Variants in DLG2 observed in about 807,000 individuals in gnomAD.
The protein encoded by DLG2 is discs large MAGUK scaffold protein 2, also known as disks large homolog 2.
A neutral mutation model predicts 132.5 loss-of-function variants in DLG2; 45 were observed. The ratio of observed to expected loss-of-function variants is 0.34; its 90% CI spans 0.27 to 0.44. The LOEUF is 0.44. Among genes scored for constraint, DLG2 ranks in the 20% least tolerant of loss-of-function variants. DLG2 has a pLI of 1.00. For synonymous variants in DLG2, 424 were observed against 419.6 expected, an observed-to-expected ratio of 1.01 and a Z score of -0.13; for missense variants, 1,045 against 1,196.9, an observed-to-expected ratio of 0.87 and a Z score of 1.87.
intron 21 of DLG2, among the ~76,000 whole-genome samples, chr11:83,500,173 T>C (rs2094394512): frequency 6.6e-6 from 1 of 151,822 alleles, no homozygotes; most frequent in African/African-American, 2.4e-5. Flanking sequence ...AATTGTGAGG[T>C]TCTTTAGTAT....
chr11:84,525,373 C>T (rs1389960937), intron 7 of DLG2, among the ~76,000 whole-genome samples: 1 of 152,176 alleles, frequency 6.6e-6, no homozygotes, highest in Non-Finnish European at 1.5e-5. Context: ...GGTTTCATTT[C>T]ATGATACATC....
chr11:85,125,249 A>G (rs1829815792), intron 5 of DLG2, among the ~76,000 whole-genome samples: 1 of 152,200 alleles, frequency 6.6e-6, no homozygotes, highest in Non-Finnish European at 1.5e-5. Context: ...ATAAAGGACA[A>G]TACTCTCAGT....
intron 14 of DLG2, among the ~76,000 whole-genome samples, chr11:83,955,635 A>G (rs751471337): frequency 7.2e-5 from 11 of 152,058 alleles, no homozygotes; most frequent in Non-Finnish European, 1.6e-4. Context: ...CCCTCATCCT[A>G]TGTATATAAA....
chr11:83,891,559 G>A, intron 15 of DLG2, among the ~76,000 whole-genome samples: 1 of 152,158 alleles, frequency 6.6e-6, no homozygotes, highest in East Asian at 1.9e-4. Flanking sequence ...GCTGGAAAAG[G>A]GTTAGAGACA....
chr11:84,062,747 T>C (rs986537522), intron 10 of DLG2, among the ~76,000 whole-genome samples: 14 of 151,534 alleles, frequency 9.2e-5, no homozygotes, highest in Admixed American at 3.9e-4. Context: ...TTTTTTTTTT[T>C]AATGGTGGTG....
intron 18 of DLG2, among the ~76,000 whole-genome samples, chr11:83,780,281 G>A (rs1347848502): frequency 6.6e-6 from 1 of 152,174 alleles, no homozygotes; most frequent in Non-Finnish European, 1.5e-5. Context: ...TTCATGTCAA[G>A]CTTTCATTAT....
At chr11:85,479,493 T>C (rs2093233624) in intron 3 of DLG2, among the ~76,000 whole-genome samples, 1 of 152,180 alleles carries the variant, frequency 6.6e-6, no homozygotes, top group African/African-American at 2.4e-5. Flanking sequence ...AAACATTAAG[T>C]CTATAACAGT....
chr11:83,740,479 A>T (rs945320502), intron 18 of DLG2, among the ~76,000 whole-genome samples: 2 of 152,288 alleles, frequency 1.3e-5, no homozygotes, highest in Admixed American at 1.3e-4. Context: ...ATTAGGAGTT[A>T]GGATAGCAGT....
intron 19 of DLG2, among the ~76,000 whole-genome samples, chr11:83,562,966 CTTTTTTTTTTTTTT>C (rs527949325): frequency 2.5e-5 from 2 of 81,368 alleles, no homozygotes; most frequent in Non-Finnish European, 4.5e-5. Flanking sequence ...TTCCCTAATT[CTTTTTTTTTTTTTT>C]TTTTTTTTTT....
At chr11:84,680,654 A>T (rs1419902374) in intron 6 of DLG2, among the ~76,000 whole-genome samples, 1 of 152,192 alleles carries the variant, frequency 6.6e-6, no homozygotes, top group Non-Finnish European at 1.5e-5. Context: ...ACATATTTAG[A>T]TTCAAATTTT....
chr11:83,696,522 A>C (rs187200539), intron 18 of DLG2, among the ~76,000 whole-genome samples: 2 of 152,322 alleles, frequency 1.3e-5, no homozygotes, highest in African/African-American at 2.4e-5. Context: ...GATATGAAAA[A>C]GCAAAATGGT....
At chr11:85,247,366 T>C (rs941908075) in intron 4 of DLG2, among the ~76,000 whole-genome samples, 2 of 151,998 alleles carry the variant, frequency 1.3e-5, no homozygotes, top group African/African-American at 4.8e-5. Context: ...CAAAGCGGGA[T>C]TCATTCATAG....
At chr11:84,253,774 G>A (rs1270346677) in intron 7 of DLG2, among the ~76,000 whole-genome samples, 3 of 152,040 alleles carry the variant, frequency 2.0e-5, no homozygotes. Flanking sequence ...AGGAAAATGA[G>A]GCTCAGTGAA....
intron 3 of DLG2, among the ~76,000 whole-genome samples, chr11:85,505,453 G>C (rs2093907888): frequency 6.6e-6 from 1 of 151,922 alleles, no homozygotes; most frequent in Admixed American, 6.6e-5. Context: ...TTTGTCAAAG[G>C]CTTTTCTGCA....
At chr11:84,598,469 C>T (rs2099568581) in intron 6 of DLG2, among the ~76,000 whole-genome samples, 1 of 152,122 alleles carries the variant, frequency 6.6e-6, no homozygotes, top group Admixed American at 6.5e-5. Context: ...TGCTTATTTC[C>T]CTAATCCAAC....
At chr11:84,492,995 A>G (rs577367765) in intron 7 of DLG2, among the ~76,000 whole-genome samples, 2 of 152,280 alleles carry the variant, frequency 1.3e-5, no homozygotes, top group African/African-American at 4.8e-5. Flanking sequence ...CTATGATCTT[A>G]AAATGAAATG....
intron 6 of DLG2, among the ~76,000 whole-genome samples, chr11:84,703,296 C>G (rs2059398071): frequency 6.6e-6 from 1 of 151,516 alleles, no homozygotes; most frequent in Non-Finnish European, 1.5e-5. Context: ...TCCATTGTGT[C>G]TACTGTAGTA....
intron 2 of DLG2, among the ~76,000 whole-genome samples, chr11:85,612,104 T>G (rs1188296263): frequency 6.6e-6 from 1 of 152,192 alleles, no homozygotes; most frequent in Non-Finnish European, 1.5e-5. Flanking sequence ...TGTACCCTAT[T>G]CCTTTAAAAG....
chr11:84,851,741 C>T (rs1484623034), intron 6 of DLG2, among the ~76,000 whole-genome samples: 2 of 151,806 alleles, frequency 1.3e-5, no homozygotes, highest in African/African-American at 4.8e-5. Flanking sequence ...TTTTTAAATA[C>T]AGAGATAATA....
Sources: gnomAD v4.1 joint callset for allele counts (sites outside exome capture counted in the v4.1 genomes callset) on GRCh38, gnomAD v4.1.1 for gene constraint, MANE v1.5 for transcripts, NCBI Gene and HGNC (gene_info 2026-07-23, HGNC 2026-07-21) for gene names.